BCL2L14: variants seen among roughly 807,000 people sequenced by gnomAD.
BCL2L14 encodes apoptosis facilitator Bcl-2-like protein 14.
Under a neutral mutation model 35.3 loss-of-function variants are expected in BCL2L14, and 27 were observed. The ratio of observed to expected loss-of-function variants is 0.76; its 90% CI spans 0.56 to 1.05. The LOEUF (loss-of-function observed/expected upper bound fraction) is 1.05, where lower values mean the gene tolerates loss of function less well. BCL2L14 is among the 50% of genes least tolerant of loss of function. The probability of loss-of-function intolerance (pLI) is 0.00; values close to 1 mark genes in which losing one functional copy is unlikely to be tolerated. For synonymous variants in BCL2L14, 139 were observed against 145.9 expected (o/e 0.95, Z 0.34); for missense variants, 377 against 382.6 (o/e 0.99, Z 0.12).
upstream of BCL2L14, among the ~76,000 whole-genome samples, chr12:12,066,902 G>A (rs932776722): frequency 4.9e-4 from 75 of 152,022 alleles, no homozygotes; most frequent in African/African-American, 1.7e-3. Flanking sequence ...AGTAGAGACG[G>A]GGTTTCGCTG....
rs1949064283 is a variant in BCL2L14 at position 12,087,199 on chromosome 12, T to C, written c.434-14T>C. 1.9e-6 allele frequency: 3 copies of C among 1,613,128 alleles called. No individual in the cohort carries two copies. Among genetic ancestry groups the C allele is most frequent in the Non-Finnish European group, 2.5e-6 (3 of 1,179,430 alleles). On this transcript the variant is annotated splice_polypyrimidine_tract_variant and intron_variant, in intron 2 of 5. Coordinates refer to ENST00000308721, the MANE Select transcript of BCL2L14 (RefSeq NM_138723.2). ...CTGGGAAGGGCCTCTCAGCACCATT[T>C]TGTCTTGTTTCAGCTGTGGACCCCA...
At chr12:12,057,617 T>A (rs1948451833) in intron 2 of BCL2L14, among the ~76,000 whole-genome samples, 1 of 151,784 alleles carries the variant, frequency 6.6e-6, no homozygotes, top group African/African-American at 2.4e-5. Context: ...ATTAGCTGGG[T>A]GTGGTGACAC....
At position 12,085,752 on chromosome 12, in the gene BCL2L14, A is replaced by G. The variant is rs538017085; in HGVS notation, c.434-1461A>G. On this transcript the variant is annotated intron_variant, in intron 2 of 5. Transcript: ENST00000308721. ...AATCCAGGGAGAGGGATCAGGAGCC[A>G]CCTTGGCAGCTGCATATGATGTCAA... 1.4e-4 allele frequency among the ~76,000 whole-genome samples: 22 copies of G among 152,152 alleles called. No individual in the cohort carries two copies. The East Asian group carries it at 3.7e-3, about 25-fold the overall frequency.
At chr12:12,083,782 TA>T (rs939975809) in intron 2 of BCL2L14, among the ~76,000 whole-genome samples, 1 of 151,740 alleles carries the variant, frequency 6.6e-6, no homozygotes, top group African/African-American at 2.4e-5. Flanking sequence ...CCGTCTCTAT[TA>T]AAAAAAATAC....
chr12:12,081,109 CCTGGG>C (rs1032471319), intron 2 of BCL2L14, among the ~76,000 whole-genome samples: 1 of 151,978 alleles, frequency 6.6e-6, no homozygotes, highest in African/African-American at 2.4e-5. Flanking sequence ...ATGGCTTGAG[CCTGGG>C]AAGTAGAGGT....
chr12:12,076,852 C>G (rs17819677), intron 1 of BCL2L14, among the ~76,000 whole-genome samples: 14,701 of 152,202 alleles, frequency 0.097, 775 homozygotes, highest in Middle Eastern at 0.14. Context: ...TCAGCTCCTA[C>G]ACCTCCTTCC....
rs77220972 is a variant in BCL2L14 at position 12,098,493 on chromosome 12, C to G, written c.946-457C>G. 5.4e-3 allele frequency among the ~76,000 whole-genome samples: 816 copies of G among 152,174 alleles called. 4 individuals carry two copies. Among genetic ancestry groups the G allele is most frequent in the African/African-American group, 0.018 (747 of 41,522 alleles). ...ATGAATCGATCAAATGAATGAATAG[C>G]AACTCTATCTACAAGGCATGCCAAA... On this transcript the variant is annotated intron_variant, in intron 5 of 5. Transcript: ENST00000308721.
chr12:12,058,036 C>G (rs141465715), intron 2 of BCL2L14, among the ~76,000 whole-genome samples: 4 of 151,108 alleles, frequency 2.6e-5, no homozygotes, highest in African/African-American at 9.8e-5. Flanking sequence ...CAACCTCCCC[C>G]TCCTGTGTTC....
intron 2 of BCL2L14, among the ~76,000 whole-genome samples, chr12:12,061,162 C>A (rs886232276): frequency 6.9e-6 from 1 of 145,948 alleles, no homozygotes; most frequent in Non-Finnish European, 1.5e-5. Flanking sequence ...GACACTTTAA[C>A]TAAATTATCT....
Position 12,059,484 on chromosome 12 carries a change from C to A in BCL2L14, c.-272+7637C>A, listed in dbSNP as rs139153142. Among the ~76,000 whole-genome samples, 445 of 152,052 alleles carry A rather than the reference C, an allele frequency of 2.9e-3. 1 individual carries two copies. Among genetic ancestry groups the A allele is most frequent in the African/African-American group, 0.01 (426 of 41,476 alleles). ...TTATTTCTGCACCCCAACCTCATAT[C>A]TCTGCTCCCCGATCCCTTATTTCCA... On this transcript the variant is annotated intron_variant, in intron 2 of 3. Coordinates refer to the BCL2L14 transcript ENST00000461264.
upstream of BCL2L14, among the ~76,000 whole-genome samples, chr12:12,066,380 C>T (rs1179891309): frequency 6.6e-6 from 1 of 152,166 alleles, no homozygotes; most frequent in African/African-American, 2.4e-5. Context: ...AAAATCTGCT[C>T]ATCTGGCCTT....
chr12:12,087,134 A>G lies in BCL2L14; in HGVS notation c.434-79A>G. Reference sequence around the variant, plus strand: ...CCTTCTATTCTGGCCTGGTCTTTTCATTCCAGGCAACTTTGCATACCAATG... The same window carrying G: ...CCTTCTATTCTGGCCTGGTCTTTTCGTTCCAGGCAACTTTGCATACCAATG... On this transcript the variant is annotated intron_variant, in intron 2 of 5. Transcript: ENST00000308721. The G allele has an allele frequency of 5.4e-6, 8 of 1,486,934 alleles. No individual in the cohort carries two copies. In the South Asian group the frequency reaches 1.0e-4, roughly 18 times the overall value. 92.1% of individuals were successfully genotyped at this position (1,486,934 alleles called of 1,614,324 possible).
At chr12:12,091,474 C>T (rs1173045671) in intron 4 of BCL2L14, among the ~76,000 whole-genome samples, 1 of 152,166 alleles carries the variant, frequency 6.6e-6, no homozygotes, top group Admixed American at 6.5e-5. Flanking sequence ...TTCTCTATGC[C>T]TCCTGGGTCC....
At chr12:12,060,197 T>A (rs1186117307) in intron 2 of BCL2L14, among the ~76,000 whole-genome samples, 1 of 151,416 alleles carries the variant, frequency 6.6e-6, no homozygotes, top group Non-Finnish European at 1.5e-5. Flanking sequence ...GTTCCATGAC[T>A]AGCCCTCCCC....
chr12:12,051,180 G>A (rs1341581982), intron 1 of BCL2L14, among the ~76,000 whole-genome samples: 4 of 152,110 alleles, frequency 2.6e-5, no homozygotes, highest in Non-Finnish European at 1.5e-5. Context: ...AGAGATGGTG[G>A]GAAAAGGAGC....
rs2136747584 is a variant in BCL2L14 at position 12,079,344 on chromosome 12, C to G, written c.39C>G (p.Pro13=). The part of the protein sequence containing the change: ...STSGCDLEEI[P]LDDDDLNTIE... ...GTGGGTGTGACCTGGAAGAAATCCC[C>G]CTAGATGATGATGACCTAAACACCA... is the stretch of plus-strand genomic sequence containing the variant. The change falls in exon 2 of 6, where the codon CCC becomes CCG. Residue 13 remains proline, a synonymous_variant. Transcript: ENST00000308721. 2 of 1,614,122 alleles carry G rather than the reference C, an allele frequency of 1.2e-6. No individual in the cohort carries two copies. Among genetic ancestry groups the G allele is most frequent in the East Asian group, 4.5e-5 (2 of 44,886 alleles).
At chr12:12,052,638 T>C (rs1434219965) in intron 2 of BCL2L14, among the ~76,000 whole-genome samples, 1 of 152,224 alleles carries the variant, frequency 6.6e-6, no homozygotes, top group Non-Finnish European at 1.5e-5. Context: ...GACACCTAGA[T>C]TGATTCCATA....
At chr12:12,070,916 G>C (rs1948659580), upstream of BCL2L14, 1 of 152,146 alleles carries the variant, frequency 6.6e-6, no homozygotes, top group Non-Finnish European at 1.5e-5. Context: ...GCGTAATAAG[G>C]AAGTGGTTCT....
At chr12:12,060,237 G>A (rs1166218517) in intron 2 of BCL2L14, among the ~76,000 whole-genome samples, 2 of 151,426 alleles carry the variant, frequency 1.3e-5, no homozygotes, top group African/African-American at 2.4e-5. Context: ...TCTTGAAAAG[G>A]TGGCTGGAGC....
Sources: gnomAD v4.1 joint callset for allele counts (sites outside exome capture counted in the v4.1 genomes callset) on GRCh38, gnomAD v4.1.1 for gene constraint, MANE v1.5 for transcripts, NCBI Gene and HGNC (gene_info 2026-07-23, HGNC 2026-07-21) for gene names.